Variants in TVP23C observed in about 807,000 individuals in gnomAD.
TVP23C encodes the protein Golgi apparatus membrane protein TVP23 homolog C.
TVP23C carries 19 observed loss-of-function variants against 28.7 expected under a neutral mutation model. That is an observed-to-expected ratio of 0.66 (90% CI 0.46 to 0.97). The LOEUF is 0.97. Among genes scored for constraint, TVP23C ranks in the 50% least tolerant of loss-of-function variants. The pLI, the probability that TVP23C is intolerant of heterozygous loss-of-function variation, is 0.00. For missense variants in TVP23C, 186 were observed against 241.3 expected, an observed-to-expected ratio of 0.77 and a Z score of 1.52; for synonymous variants, 68 against 81.7, an observed-to-expected ratio of 0.83 and a Z score of 0.90.
At chr17:15,534,008 A>G (rs1388739665), downstream of TVP23C, among the ~76,000 whole-genome samples, 4 of 152,084 alleles carry the variant, frequency 2.6e-5, no homozygotes, top group Admixed American at 2.0e-4. Flanking sequence ...CCTCCACCAC[A>G]CTCAGAGTGG....
Position 15,563,417 on chromosome 17 carries a change from G to C in TVP23C, c.12+20C>G, listed in dbSNP as rs758253771. 1.9e-6 allele frequency: 3 copies of C among 1,590,324 alleles called. No homozygotes were observed. The highest frequency in any genetic ancestry group is 2.6e-6 in the Non-Finnish European group (3 of 1,170,306). On this transcript the variant is annotated intron_variant, in intron 1 of 5. Transcript: ENST00000518321. ...AGTCCCAGGAGCCGCCACCCTCCCA[G>C]CGCGCCCTCAGCCCCTCACCTGCTG... is the stretch of plus-strand genomic sequence containing the variant.
intron 5 of TVP23C, among the ~76,000 whole-genome samples, chr17:15,543,108 C>T (rs1450159637): frequency 1.3e-5 from 2 of 151,148 alleles, no homozygotes; most frequent in African/African-American, 4.9e-5. Context: ...AGACAAGAGC[C>T]CCACTAAGGA....
intron 5 of TVP23C, among the ~76,000 whole-genome samples, chr17:15,517,276 T>C (rs553932322): frequency 6.6e-6 from 1 of 152,338 alleles, no homozygotes; most frequent in South Asian, 2.1e-4. Context: ...TAAATGTACC[T>C]TACTAATATG....
chr17:15,504,906 G>GGGGCTT (rs201594559), intron 5 of TVP23C, among the ~76,000 whole-genome samples: 3,042 of 152,250 alleles, frequency 0.02, 50 homozygotes, highest in South Asian at 0.037. Flanking sequence ...CTGACCTTCA[G>GGGGCTT]GGGCTTCTTG....
chr17:15,502,806 TCTC>T (rs1257886980), exon 6 of TVP23C: 70 of 1,453,644 alleles, frequency 4.8e-5, no homozygotes, highest in Middle Eastern at 4.4e-4. Flanking sequence ...CTCTCCTCTC[TCTC>T]CTCTCTCTCT....
intron 3 of TVP23C, among the ~76,000 whole-genome samples, chr17:15,548,330 C>T (rs1443782042): frequency 6.6e-6 from 1 of 152,148 alleles, no homozygotes; most frequent in Non-Finnish European, 1.5e-5. Context: ...TCATGCCCAG[C>T]TAATTTTGTA....
chr17:15,559,400 G>A (rs1441951458), intron 1 of TVP23C, among the ~76,000 whole-genome samples: 1 of 144,914 alleles, frequency 6.9e-6, no homozygotes, highest in African/African-American at 2.5e-5. Flanking sequence ...GGACACAAAA[G>A]ATTTCGGGGC....
intron 5 of TVP23C, among the ~76,000 whole-genome samples, chr17:15,528,804 G>A (rs1185764373): frequency 1.3e-5 from 2 of 150,774 alleles, no homozygotes; most frequent in African/African-American, 4.9e-5. Context: ...CTCCATGTTG[G>A]CCAGGCTGGT....
At chr17:15,546,668 T>C (rs1389650184) in intron 4 of TVP23C, among the ~76,000 whole-genome samples, 2 of 147,806 alleles carry the variant, frequency 1.4e-5, no homozygotes, top group South Asian at 2.2e-4. Context: ...TCCTCCTTTT[T>C]CCTGCCCAGA....
At chr17:15,527,222 C>A (rs1982765660) in intron 5 of TVP23C, among the ~76,000 whole-genome samples, 1 of 152,174 alleles carries the variant, frequency 6.6e-6, no homozygotes, top group African/African-American at 2.4e-5. Flanking sequence ...CATTCTTCAG[C>A]CTTTTTCTGC....
intron 5 of TVP23C, among the ~76,000 whole-genome samples, chr17:15,504,089 G>T (rs1289048527): frequency 6.6e-6 from 1 of 152,162 alleles, no homozygotes; most frequent in Non-Finnish European, 1.5e-5. Flanking sequence ...CCCTGAACAT[G>T]GTCCTGTCCA....
At chr17:15,516,836 C>A (rs1982248663) in intron 5 of TVP23C, among the ~76,000 whole-genome samples, 3 of 152,158 alleles carry the variant, frequency 2.0e-5, no homozygotes, top group African/African-American at 7.2e-5. Flanking sequence ...CAGACCTGGG[C>A]ATAAACTTCA....
intron 5 of TVP23C, among the ~76,000 whole-genome samples, chr17:15,508,552 C>G (rs753605439): frequency 2.0e-5 from 3 of 152,192 alleles, no homozygotes; most frequent in African/African-American, 7.2e-5. Context: ...AACTTCCAGT[C>G]GCTCTTCCCT....
intron 5 of TVP23C, chr17:15,507,193 T>C: frequency 1.4e-6 from 1 of 736,016 alleles, no homozygotes; most frequent in Non-Finnish European, 2.5e-6. Context: ...GGTTCCTAAT[T>C]TTTCATCTGC....
intron 5 of TVP23C, among the ~76,000 whole-genome samples, chr17:15,514,789 T>C (rs1428727621): frequency 6.6e-6 from 1 of 152,094 alleles, no homozygotes; most frequent in African/African-American, 2.4e-5. Flanking sequence ...AAGGGCTACT[T>C]ACAGGAAATA....
intron 2 of TVP23C, among the ~76,000 whole-genome samples, chr17:15,555,055 G>A (rs1984068734): frequency 6.6e-6 from 1 of 152,202 alleles, no homozygotes; most frequent in Non-Finnish European, 1.5e-5. Context: ...AAACACAGGT[G>A]TTCAAATAAT....
intron 5 of TVP23C, among the ~76,000 whole-genome samples, chr17:15,519,985 C>T: frequency 6.6e-6 from 1 of 152,098 alleles, no homozygotes; most frequent in Non-Finnish European, 1.5e-5. Flanking sequence ...CTATGAAAAA[C>T]TTTAAGAGTA....
intron 3 of TVP23C, among the ~76,000 whole-genome samples, chr17:15,547,658 C>A (rs1983704099): frequency 6.6e-6 from 1 of 152,124 alleles, no homozygotes; most frequent in East Asian, 1.9e-4. Flanking sequence ...TGAGCATCTA[C>A]TATGTGCTGG....
At chr17:15,554,309 C>T (rs1207415871) in intron 2 of TVP23C, among the ~76,000 whole-genome samples, 4 of 146,348 alleles carry the variant, frequency 2.7e-5, no homozygotes, top group Non-Finnish European at 5.9e-5. Context: ...GCAATCTCGG[C>T]TCACTGCAAA....
Sources: allele counts gnomAD v4.1 joint callset (sites outside exome capture counted in the v4.1 genomes callset), GRCh38; gene constraint gnomAD v4.1.1; transcripts MANE v1.5; gene names NCBI Gene and HGNC (gene_info 2026-07-23, HGNC 2026-07-21).